Variants in LIPH observed in about 807,000 individuals in gnomAD.
The protein encoded by LIPH is lipase H.
A neutral mutation model predicts 47.6 loss-of-function variants in LIPH; 32 were observed. The observed-to-expected ratio is 0.67, with a 90% CI of 0.51 to 0.90. The LOEUF is 0.90. Ranked by LOEUF, LIPH falls within the 40% of genes least tolerant of loss-of-function variation. The probability of loss-of-function intolerance (pLI) is 0.00; values close to 1 mark genes in which losing one functional copy is unlikely to be tolerated. For synonymous variants in LIPH, 190 were observed against 195.6 expected, an observed-to-expected ratio of 0.97 and a Z score of 0.24; for missense variants, 497 against 541.4, an observed-to-expected ratio of 0.92 and a Z score of 0.81.
At position 185,520,390 on chromosome 3, in the gene LIPH, G is replaced by A. The variant is rs185091711; in HGVS notation, c.719-1081C>T. Reference sequence around the variant, plus strand: ...AAAAATTAGCCGGGCATGGTGGCGCGCCTGTAATCCCAGCTACTTGGGAGG... The same window carrying A: ...AAAAATTAGCCGGGCATGGTGGCGCACCTGTAATCCCAGCTACTTGGGAGG... On this transcript the variant is annotated intron_variant, in intron 5 of 9. Coordinates refer to ENST00000296252, the MANE Select transcript of LIPH (RefSeq NM_139248.3). 1.1e-4 allele frequency among the ~76,000 whole-genome samples: 16 copies of A among 151,872 alleles called. No individual in the cohort carries two copies. In the East Asian group the frequency reaches 1.4e-3, roughly 13 times the overall value.
intron 6 of LIPH, among the ~76,000 whole-genome samples, chr3:185,518,885 C>T (rs1012367783): frequency 1.4e-4 from 21 of 151,732 alleles, no homozygotes; most frequent in African/African-American, 4.6e-4. Context: ...CCACCACACC[C>T]GGCTACTTTT....
chr3:185,514,667 G>A (rs1174083065), intron 7 of LIPH, 146 bp from the exon 8 acceptor site: 4 of 676,448 alleles, frequency 5.9e-6, no homozygotes, highest in Non-Finnish European at 5.4e-6. Flanking sequence ...CAGGGCAGAA[G>A]TTTCTAATAT....
chr3:185,516,994 G>T, intron 7 of LIPH, 73 bp downstream of exon 7: 1 of 983,606 alleles, frequency 1.0e-6, no homozygotes, highest in Non-Finnish European at 1.7e-6. Context: ...CCAAGAAGTA[G>T]CCAGGAAGCT....
At chr3:185,523,619 G>C (rs2148952495) in intron 5 of LIPH, among the ~76,000 whole-genome samples, 1 of 152,170 alleles carries the variant, frequency 6.6e-6, no homozygotes, top group Middle Eastern at 3.4e-3. Context: ...GTTGCCCAGG[G>C]TGGTCTTGAA....
intron 9 of LIPH, among the ~76,000 whole-genome samples, 178 bp downstream of exon 9, chr3:185,511,346 T>G (rs1290912088): frequency 6.6e-6 from 1 of 152,100 alleles, no homozygotes; most frequent in Non-Finnish European, 1.5e-5. Context: ...ATTATAGGCT[T>G]GAGCCACTAC....
intron 1 of LIPH, among the ~76,000 whole-genome samples, chr3:185,543,210 AAAAT>A (rs558712987): frequency 2.6e-5 from 4 of 152,054 alleles, no homozygotes; most frequent in East Asian, 1.9e-4. Context: ...CTCCATCTCA[AAAAT>A]AAATAAATAA....
At chr3:185,531,481 A>G (rs1720328491) in intron 3 of LIPH, among the ~76,000 whole-genome samples, 1 of 151,156 alleles carries the variant, frequency 6.6e-6, no homozygotes, top group Non-Finnish European at 1.5e-5. Flanking sequence ...ACCTGAGCCC[A>G]GGGAGCATCA....
chr3:185,517,360 A>G (rs1719760834), intron 6 of LIPH, among the ~76,000 whole-genome samples, 198 bp from the exon 7 acceptor site: 1 of 152,174 alleles, frequency 6.6e-6, no homozygotes, highest in East Asian at 1.9e-4. Flanking sequence ...CTGAAGGGCA[A>G]CAGGACCCTC....
At chr3:185,516,947 A>G (rs1215485108) in intron 7 of LIPH, 120 bp downstream of exon 7, 1 of 775,650 alleles carries the variant, frequency 1.3e-6, no homozygotes, top group Non-Finnish European at 2.4e-6. Flanking sequence ...AGGCCCTTCC[A>G]GCTCCAAAGT....
chr3:185,526,625 TAAA>T (rs1720091860), intron 4 of LIPH, among the ~76,000 whole-genome samples: 1 of 21,316 alleles, frequency 4.7e-5, no homozygotes, highest in Non-Finnish European at 1.8e-4. Flanking sequence ...AATAATAAAA[TAAA>T]ATATAAAATA....
At chr3:185,541,550 G>A (rs2148963551) in intron 1 of LIPH, among the ~76,000 whole-genome samples, 2 of 151,700 alleles carry the variant, frequency 1.3e-5, no homozygotes, top group East Asian at 1.9e-4. Context: ...GACTACAGGT[G>A]AGTGCCACCA....
intron 1 of LIPH, among the ~76,000 whole-genome samples, chr3:185,547,272 T>C (rs1439083572): frequency 1.3e-5 from 2 of 152,186 alleles, no homozygotes; most frequent in Non-Finnish European, 2.9e-5. Flanking sequence ...GTGAAATTCA[T>C]GTAGGACATG....
intron 1 of LIPH, among the ~76,000 whole-genome samples, chr3:185,542,354 C>T (rs1057058687): frequency 1.3e-5 from 2 of 150,928 alleles, no homozygotes; most frequent in Non-Finnish European, 2.9e-5. Context: ...TTTTGCTCGT[C>T]GCCCAGGCTG....
intron 4 of LIPH, 24 bp downstream of exon 4, chr3:185,527,460 G>T: frequency 6.6e-7 from 1 of 1,515,798 alleles, no homozygotes; most frequent in Non-Finnish European, 9.2e-7. Flanking sequence ...CGGTGTCACT[G>T]ACCCACAAGG....
chr3:185,535,515 A>G (rs1395338336), intron 1 of LIPH, among the ~76,000 whole-genome samples: 1 of 151,146 alleles, frequency 6.6e-6, no homozygotes, highest in Non-Finnish European at 1.5e-5. Flanking sequence ...TTTGACCTCA[A>G]GTGATCCACT....
intron 9 of LIPH, among the ~76,000 whole-genome samples, chr3:185,510,124 T>A (rs187691314): frequency 2.2e-3 from 335 of 152,174 alleles, no homozygotes; most frequent in South Asian, 3.7e-3. Flanking sequence ...ATTTTTTATA[T>A]TTTTGGTAGA....
Position 185,514,502 on chromosome 3 carries a change from A to G in LIPH, c.1002T>C (p.Asp334=), listed in dbSNP as rs1324660428. The change falls in exon 8 of 10, where the codon GAT becomes GAC. Residue 334 remains aspartate, a synonymous_variant. Coordinates refer to ENST00000296252, the MANE Select transcript of LIPH (RefSeq NM_139248.3). Reference sequence around the variant, plus strand: ...TTACATTCTTGTTCCATGTTATAATATCCACAAAGTAATGATACACTGCAA... The same window carrying G: ...TTACATTCTTGTTCCATGTTATAATGTCCACAAAGTAATGATACACTGCAA... ...SPFCMYHYFV[D]IITWNKNVRR... is the part of the protein sequence containing the mutation. 2.8e-6 allele frequency: 4 copies of G among 1,431,618 alleles called. No individual in the cohort carries two copies. Among genetic ancestry groups the G allele is most frequent in the Non-Finnish European group, 3.9e-6 (4 of 1,013,748 alleles). The allele number at this position is 1,431,618 out of a possible 1,614,324, so 88.7% of individuals were successfully genotyped here.
chr3:185,544,170 A>T (rs1290458374), intron 1 of LIPH, among the ~76,000 whole-genome samples: 1 of 151,936 alleles, frequency 6.6e-6, no homozygotes, highest in African/African-American at 2.4e-5. Flanking sequence ...TCTTTCAAGG[A>T]GGGCTCATGG....
chr3:185,512,437 C>T (rs986038833), intron 8 of LIPH, among the ~76,000 whole-genome samples: 4 of 151,442 alleles, frequency 2.6e-5, no homozygotes, highest in African/African-American at 4.9e-5. Flanking sequence ...GGTGGAAGAA[C>T]CATGGAGCCC....
Sources: gnomAD v4.1 joint callset for allele counts (sites outside exome capture counted in the v4.1 genomes callset) on GRCh38, gnomAD v4.1.1 for gene constraint, MANE v1.5 for transcripts, NCBI Gene and HGNC (gene_info 2026-07-23, HGNC 2026-07-21) for gene names.